Variants in CTNNA3 observed in about 807,000 individuals in gnomAD.
The protein encoded by CTNNA3 is catenin alpha-3.
A neutral mutation model predicts 95.7 loss-of-function variants in CTNNA3; 76 were observed. The ratio of observed to expected loss-of-function variants is 0.79; its 90% CI spans 0.66 to 0.96. The LOEUF (loss-of-function observed/expected upper bound fraction) is 0.96. Ranked by LOEUF, CTNNA3 falls within the 40% of genes least tolerant of loss-of-function variation. The probability of loss-of-function intolerance (pLI) is 0.00; values close to 1 mark genes in which losing one functional copy is unlikely to be tolerated. For missense variants in CTNNA3, 1,191 were observed against 1,089.8 expected, an observed-to-expected ratio of 1.09 and a Z score of -1.31; for synonymous variants, 431 against 374.4, an observed-to-expected ratio of 1.15 and a Z score of -1.74.
At chr10:66,033,598 C>G (rs1345459402) in intron 15 of CTNNA3, among the ~76,000 whole-genome samples, 1 of 151,598 alleles carries the variant, frequency 6.6e-6, no homozygotes, top group Non-Finnish European at 1.5e-5. Flanking sequence ...TATGCACTTT[C>G]CTGGACTGAA....
intron 10 of CTNNA3, among the ~76,000 whole-genome samples, chr10:66,529,610 C>T (rs1235867691): frequency 5.3e-5 from 8 of 151,954 alleles, no homozygotes. Context: ...TTTGCTTTTA[C>T]TATATGTGTA....
rs569473051 is a variant in CTNNA3 at position 66,038,811 on chromosome 10, G to A, written c.2159+30497C>T. Among the ~76,000 whole-genome samples, 13 of 152,240 alleles carry A rather than the reference G, an allele frequency of 8.5e-5. No homozygotes were observed. The East Asian group carries it at 2.5e-3, about 29-fold the overall frequency. On this transcript the variant is annotated intron_variant, in intron 15 of 17. Coordinates refer to ENST00000433211, the MANE Select transcript of CTNNA3 (RefSeq NM_013266.4). ...CATAATGAATGGACAAAAGCTAGAA[G>A]CATTCCCCCTTGAAAACTAGCACAA...
intron 1 of CTNNA3, among the ~76,000 whole-genome samples, chr10:67,724,886 C>T (rs1214402783): frequency 6.6e-6 from 1 of 152,116 alleles, no homozygotes; most frequent in Non-Finnish European, 1.5e-5. Flanking sequence ...TTTCCAAATA[C>T]ATATTTATAC....
At chr10:66,920,347 C>G (rs1172684092) in intron 7 of CTNNA3, among the ~76,000 whole-genome samples, 1 of 152,194 alleles carries the variant, frequency 6.6e-6, no homozygotes, top group Non-Finnish European at 1.5e-5. Context: ...GAATCAGTTC[C>G]AAATTCCAAA....
At chr10:66,857,240 T>C (rs1338487364) in intron 7 of CTNNA3, among the ~76,000 whole-genome samples, 1 of 152,124 alleles carries the variant, frequency 6.6e-6, no homozygotes, top group Non-Finnish European at 1.5e-5. Flanking sequence ...CTGGGCTCTC[T>C]ATTCTGTTTC....
At chr10:66,618,542 C>T (rs1036573707) in intron 10 of CTNNA3, among the ~76,000 whole-genome samples, 2 of 152,100 alleles carry the variant, frequency 1.3e-5, no homozygotes, top group African/African-American at 4.8e-5. Flanking sequence ...TTCCTTACAC[C>T]TTCTACAAAA....
chr10:66,109,350 G>A (rs1256680147), intron 13 of CTNNA3, among the ~76,000 whole-genome samples: 1 of 152,192 alleles, frequency 6.6e-6, no homozygotes, highest in Non-Finnish European at 1.5e-5. Context: ...TTGACGTCTT[G>A]ATCTGAATAA....
At chr10:66,216,773 C>T (rs1216453127) in intron 13 of CTNNA3, among the ~76,000 whole-genome samples, 1 of 152,106 alleles carries the variant, frequency 6.6e-6, no homozygotes, top group Non-Finnish European at 1.5e-5. Flanking sequence ...ACACCCTTCA[C>T]CCAGTTTCTT....
intron 1 of CTNNA3, among the ~76,000 whole-genome samples, chr10:67,726,432 C>CATATATATTATATATT (rs1554879495): frequency 0.018 from 947 of 51,422 alleles, 29 homozygotes; most frequent in Non-Finnish European, 0.024. Context: ...TATATTATAT[C>CATATATATTATATATT]ATATATAATA....
In CTNNA3 at chr10:67,544,466, G is replaced by C. The variant is rs190643254; in HGVS notation, c.293-4797C>G. ...AGAGCCTGGCAAACTCTCTGAGCTG[G>C]GGAGACAAAGCTGAGAGTCCTGGGA... On this transcript the variant is annotated intron_variant, in intron 3 of 17. Coordinates refer to ENST00000433211, the MANE Select transcript of CTNNA3 (RefSeq NM_013266.4). 2.3e-3 allele frequency among the ~76,000 whole-genome samples: 350 copies of C among 152,250 alleles called. 4 individuals are homozygous for C. Among genetic ancestry groups the C allele is most frequent in the African/African-American group, 7.9e-3 (330 of 41,522 alleles).
chr10:67,035,431 A>G (rs1853984472), intron 7 of CTNNA3, among the ~76,000 whole-genome samples: 1 of 152,170 alleles, frequency 6.6e-6, no homozygotes, highest in Non-Finnish European at 1.5e-5. Flanking sequence ...GTTCCTTTGA[A>G]GTTGTTGCTC....
chr10:66,462,506 C>T (rs182243315), intron 11 of CTNNA3, among the ~76,000 whole-genome samples: 58 of 152,162 alleles, frequency 3.8e-4, no homozygotes, highest in African/African-American at 1.3e-3. Flanking sequence ...TCATCTTCTT[C>T]CTATTCCATT....
intron 1 of CTNNA3, among the ~76,000 whole-genome samples, chr10:67,736,921 A>G (rs1841305954): frequency 6.6e-6 from 1 of 152,154 alleles, no homozygotes; most frequent in East Asian, 1.9e-4. Flanking sequence ...AACAAGTCTG[A>G]ACAAATCCAA....
chr10:66,310,117 CA>C (rs928526887), intron 12 of CTNNA3, among the ~76,000 whole-genome samples: 8 of 142,418 alleles, frequency 5.6e-5, no homozygotes, highest in African/African-American at 1.0e-4. Context: ...GACTCCATCT[CA>C]AAAAAAAAGA....
chr10:67,075,848 G>C (rs1856719435), intron 7 of CTNNA3, among the ~76,000 whole-genome samples: 1 of 152,202 alleles, frequency 6.6e-6, no homozygotes, highest in South Asian at 2.1e-4. Context: ...TTTATAACTA[G>C]CCAGCAAAAT....
chr10:66,546,887 A>G (rs1842050611), intron 10 of CTNNA3, among the ~76,000 whole-genome samples: 1 of 152,174 alleles, frequency 6.6e-6, no homozygotes, highest in Non-Finnish European at 1.5e-5. Context: ...GATATGTCCC[A>G]TGGAGTAATT....
intron 15 of CTNNA3, among the ~76,000 whole-genome samples, chr10:66,016,287 G>T (rs1175710746): frequency 6.6e-6 from 1 of 152,158 alleles, no homozygotes; most frequent in Non-Finnish European, 1.5e-5. Context: ...TGCCTTAAGA[G>T]CCCAGGCTGC....
intron 12 of CTNNA3, among the ~76,000 whole-genome samples, chr10:66,319,423 G>C (rs1346739911): frequency 6.6e-6 from 1 of 152,090 alleles, no homozygotes; most frequent in Non-Finnish European, 1.5e-5. Flanking sequence ...TGCGATGTTG[G>C]TCAGTAAGAT....
At chr10:66,202,056 G>T (rs1223316049) in intron 13 of CTNNA3, among the ~76,000 whole-genome samples, 2 of 151,828 alleles carry the variant, frequency 1.3e-5, no homozygotes, top group African/African-American at 4.8e-5. Flanking sequence ...CAAAGTGCTG[G>T]GATTATGGTG....
Sources: allele counts gnomAD v4.1 joint callset (sites outside exome capture counted in the v4.1 genomes callset), GRCh38; gene constraint gnomAD v4.1.1; transcripts MANE v1.5; gene names NCBI Gene and HGNC (gene_info 2026-07-23, HGNC 2026-07-21).